The following KIAA1549L variants were observed in gnomAD, a reference collection of about 807,000 sequenced individuals.
The protein encoded by KIAA1549L is KIAA1549 like, also known as UPF0606 protein KIAA1549L.
A neutral mutation model predicts 160.7 loss-of-function variants in KIAA1549L; 88 were observed. That is an observed-to-expected ratio of 0.55 (90% CI 0.46 to 0.65). The LOEUF (loss-of-function observed/expected upper bound fraction) is 0.65. Among genes scored for constraint, KIAA1549L ranks in the 30% least tolerant of loss-of-function variants. KIAA1549L has a pLI of 0.00. For synonymous variants in KIAA1549L, 950 were observed against 976.7 expected (o/e 0.97, Z 0.51); for missense variants, 2,258 against 2,437.5 (o/e 0.93, Z 1.55).
intron 1 of KIAA1549L, among the ~76,000 whole-genome samples, chr11:33,419,272 A>G (rs563886792): frequency 6.6e-6 from 1 of 152,334 alleles, no homozygotes; most frequent in South Asian, 2.1e-4. Flanking sequence ...TTGAGTGGCA[A>G]GCTTTATGAG....
chr11:33,655,987 C>G, intron 17 of KIAA1549L, 25 bp from the exon 18 acceptor site: 8 of 1,552,926 alleles, frequency 5.2e-6, no homozygotes, highest in Non-Finnish European at 7.1e-6. Context: ...AACAACTCTC[C>G]CTGTATTGCT....
chr11:33,585,067 C>G (rs1855768027), intron 11 of KIAA1549L, among the ~76,000 whole-genome samples: 1 of 152,204 alleles, frequency 6.6e-6, no homozygotes, highest in Non-Finnish European at 1.5e-5. Flanking sequence ...TTTGATGCTG[C>G]AGCTCGTTTA....
intron 16 of KIAA1549L, among the ~76,000 whole-genome samples, chr11:33,629,651 G>A (rs1429527246): frequency 6.6e-6 from 1 of 151,440 alleles, no homozygotes; most frequent in South Asian, 2.1e-4. Context: ...GCTCCTTTAA[G>A]CACTTCTCTG....
intron 1 of KIAA1549L, among the ~76,000 whole-genome samples, chr11:33,477,540 C>A (rs1852317171): frequency 6.6e-6 from 1 of 151,638 alleles, no homozygotes; most frequent in Non-Finnish European, 1.5e-5. Context: ...CACACACACA[C>A]ACGACACTAC....
At chr11:33,520,631 G>A (rs1226623485) in intron 1 of KIAA1549L, among the ~76,000 whole-genome samples, 1 of 146,372 alleles carries the variant, frequency 6.8e-6, no homozygotes, top group Non-Finnish European at 1.5e-5. Flanking sequence ...TAAAATGGAG[G>A]ATTATCCATT....
chr11:33,623,941 G>A (rs1276176866), intron 16 of KIAA1549L, among the ~76,000 whole-genome samples: 2 of 152,080 alleles, frequency 1.3e-5, no homozygotes, highest in African/African-American at 2.4e-5. Flanking sequence ...CTTATTCTTG[G>A]TACCTGCCTG....
chr11:33,426,429 C>T (rs1051403342), intron 1 of KIAA1549L, among the ~76,000 whole-genome samples: 10 of 152,134 alleles, frequency 6.6e-5, no homozygotes, highest in Non-Finnish European at 1.0e-4. Flanking sequence ...CAAACTGTAT[C>T]TTGACTGATG....
At chr11:33,508,082 G>C (rs1853133667) in intron 1 of KIAA1549L, among the ~76,000 whole-genome samples, 1 of 152,172 alleles carries the variant, frequency 6.6e-6, no homozygotes, top group Admixed American at 6.6e-5. Context: ...CAGCAAAACA[G>C]GTCTGCTGCA....
At chr11:33,452,620 ATG>A (rs1308068075) in intron 1 of KIAA1549L, among the ~76,000 whole-genome samples, 15 of 151,944 alleles carry the variant, frequency 9.9e-5, no homozygotes, top group African/African-American at 3.6e-4. Context: ...ATAAATATGT[ATG>A]TATGTATGTA....
chr11:33,637,153 G>C (rs1328737104), intron 16 of KIAA1549L, among the ~76,000 whole-genome samples: 1 of 152,140 alleles, frequency 6.6e-6, no homozygotes, highest in Non-Finnish European at 1.5e-5. Context: ...TCCTCTTGTT[G>C]GTAAAGAGTC....
At chr11:33,392,779 G>A (rs185339532) in intron 1 of KIAA1549L, among the ~76,000 whole-genome samples, 101 of 152,270 alleles carry the variant, frequency 6.6e-4, no homozygotes, top group Non-Finnish European at 1.0e-3. Flanking sequence ...TCTATCCTGC[G>A]TGTCTTGAAC....
intron 1 of KIAA1549L, among the ~76,000 whole-genome samples, chr11:33,512,478 C>T (rs1048436873): frequency 2.0e-5 from 3 of 152,202 alleles, no homozygotes; most frequent in South Asian, 2.1e-4. Context: ...ACTGGAGTGC[C>T]GTGGTGCAAT....
chr11:33,629,453 A>G (rs1234541409), intron 16 of KIAA1549L, among the ~76,000 whole-genome samples: 1 of 152,132 alleles, frequency 6.6e-6, no homozygotes. Flanking sequence ...GTCTTTTCAC[A>G]TAGTCCCATA....
At chr11:33,489,899 T>C (rs1852618140) in intron 1 of KIAA1549L, among the ~76,000 whole-genome samples, 1 of 152,238 alleles carries the variant, frequency 6.6e-6, no homozygotes, top group Admixed American at 6.5e-5. Context: ...TGATTCTTGT[T>C]ATATGCGAGG....
chr11:33,626,689 A>C (rs1333862731), intron 16 of KIAA1549L, among the ~76,000 whole-genome samples: 381 of 116,774 alleles, frequency 3.3e-3, no homozygotes, highest in African/African-American at 0.012. Context: ...ATATACAGTC[A>C]TGTCGTCTGC....
intron 1 of KIAA1549L, among the ~76,000 whole-genome samples, chr11:33,490,702 G>A (rs890023502): frequency 6.6e-6 from 1 of 152,108 alleles, no homozygotes; most frequent in African/African-American, 2.4e-5. Context: ...TACTTTTGGC[G>A]CATTCTAGTT....
At chr11:33,666,731 A>C (rs934204415) in intron 20 of KIAA1549L, among the ~76,000 whole-genome samples, 1 of 152,200 alleles carries the variant, frequency 6.6e-6, no homozygotes, top group Non-Finnish European at 1.5e-5. Flanking sequence ...AAAATGTTTC[A>C]AGAAACTAAA....
chr11:33,581,713 CTT>C (rs1470787668), intron 10 of KIAA1549L, among the ~76,000 whole-genome samples: 1 of 152,154 alleles, frequency 6.6e-6, no homozygotes, highest in Admixed American at 6.5e-5. Context: ...TTAGGCATGA[CTT>C]TGTACTTTTA....
At chr11:33,492,386 C>T (rs891541314) in intron 1 of KIAA1549L, among the ~76,000 whole-genome samples, 3 of 152,142 alleles carry the variant, frequency 2.0e-5, no homozygotes, top group Admixed American at 6.6e-5. Context: ...CCAAAAAGAA[C>T]AATTTTGTAT....
Sources: gnomAD v4.1 joint callset for allele counts (sites outside exome capture counted in the v4.1 genomes callset) on GRCh38, gnomAD v4.1.1 for gene constraint, MANE v1.5 for transcripts, NCBI Gene and HGNC (gene_info 2026-07-23, HGNC 2026-07-21) for gene names.